The following GAP43 variants were observed in gnomAD, a reference collection of about 807,000 sequenced individuals.
GAP43 encodes the protein neuromodulin.
In GAP43, 6 loss-of-function variants were observed where a neutral mutation model predicts 18.6. The ratio of observed to expected loss-of-function variants is 0.32; its 90% confidence interval spans 0.18 to 0.64. The LOEUF (loss-of-function observed/expected upper bound fraction) is 0.64. Among genes scored for constraint, GAP43 ranks in the 30% least tolerant of loss-of-function variants. The pLI is 0.78. For synonymous variants in GAP43, 115 were observed against 111.4 expected (o/e 1.03, Z -0.20); for missense variants, 292 against 295.5 (o/e 0.99, Z 0.09).
rs79759607 is a variant in GAP43 at position 115,646,893 on chromosome 3, A to G, written c.30+23174A>G. 6.0e-3 allele frequency among the ~76,000 whole-genome samples: 912 copies of G among 152,074 alleles called. 7 individuals carry two copies. Among genetic ancestry groups the G allele is most frequent in the Non-Finnish European group, 8.1e-3 (549 of 67,956 alleles). ...CTTTTCAGGAAACCAAACAACCAAC[A>G]TGTATTTCCTGAACCCCTACAATGA... On this transcript the variant is annotated intron_variant, in intron 1 of 2. Coordinates refer to ENST00000305124, the MANE Select transcript of GAP43 (RefSeq NM_002045.4).
At position 115,690,379 on chromosome 3, in the gene GAP43, T is replaced by C. The variant is rs1456096597; in HGVS notation, c.628+13769T>C. On this transcript the variant is annotated intron_variant, in intron 2 of 2. Coordinates refer to ENST00000305124, the MANE Select transcript of GAP43 (RefSeq NM_002045.4). Reference sequence around the variant, plus strand: ...TCTCACAATTTTAAATGTAGGCCTATTTCCATAAGAAGTTTCAGATTACAA... The same window carrying C: ...TCTCACAATTTTAAATGTAGGCCTACTTCCATAAGAAGTTTCAGATTACAA... Among the ~76,000 whole-genome samples, 3 of 152,112 alleles carry C rather than the reference T, an allele frequency of 2.0e-5. No individual in the cohort carries two copies. In the East Asian group the frequency reaches 5.8e-4, roughly 29 times the overall value.
chr3:115,664,312 A>T (rs945597219), intron 1 of GAP43, among the ~76,000 whole-genome samples: 6 of 152,014 alleles, frequency 3.9e-5, no homozygotes, highest in African/African-American at 1.4e-4. Flanking sequence ...ATATCCCTGA[A>T]ACATCCCTCT....
chr3:115,641,452 T>G (rs62264809), intron 1 of GAP43, among the ~76,000 whole-genome samples: 65,501 of 150,092 alleles, frequency 0.44, 14,607 homozygotes, highest in Middle Eastern at 0.49. Context: ...TATATATATA[T>G]ATAGAGAGAG....
intron 1 of GAP43, among the ~76,000 whole-genome samples, chr3:115,625,242 G>A (rs1708171856): frequency 7.0e-6 from 1 of 142,138 alleles, no homozygotes; most frequent in African/African-American, 2.6e-5. Context: ...CAGACATCCT[G>A]GATTGTGTGG....
chr3:115,633,411 T>A (rs1309483425), intron 1 of GAP43, among the ~76,000 whole-genome samples: 1 of 152,104 alleles, frequency 6.6e-6, no homozygotes, highest in East Asian at 1.9e-4. Flanking sequence ...AGAGGGTAAG[T>A]TGGTTGAGAA....
chr3:115,672,777 T>A (rs1339698729), intron 1 of GAP43, among the ~76,000 whole-genome samples: 3 of 148,674 alleles, frequency 2.0e-5, no homozygotes, highest in Non-Finnish European at 3.0e-5. Flanking sequence ...TCCTTTCCTT[T>A]CCTTTCATTT....
chr3:115,665,804 T>A (rs1321783571), intron 1 of GAP43, among the ~76,000 whole-genome samples: 1 of 152,186 alleles, frequency 6.6e-6, no homozygotes, highest in Non-Finnish European at 1.5e-5. Flanking sequence ...TACCAGATGC[T>A]CTTAAGCTAG....
chr3:115,634,723 T>C (rs372232590), intron 1 of GAP43, among the ~76,000 whole-genome samples: 203 of 152,146 alleles, frequency 1.3e-3, no homozygotes, highest in Middle Eastern at 6.8e-3. Flanking sequence ...TGAGCTCTGA[T>C]CACACCACTG....
chr3:115,634,549 G>A (rs529581478), intron 1 of GAP43, among the ~76,000 whole-genome samples: 16 of 152,164 alleles, frequency 1.1e-4, no homozygotes, highest in Non-Finnish European at 2.4e-4. Flanking sequence ...GCTGAGGCTG[G>A]AAGATTACTC....
intron 1 of GAP43, among the ~76,000 whole-genome samples, chr3:115,627,730 A>C (rs1047643690): frequency 1.3e-5 from 2 of 152,214 alleles, no homozygotes; most frequent in Non-Finnish European, 2.9e-5. Flanking sequence ...TAGTATTAAT[A>C]AAGGCATTAG....
At chr3:115,708,784 G>A (rs1709397024) in intron 2 of GAP43, among the ~76,000 whole-genome samples, 1 of 152,098 alleles carries the variant, frequency 6.6e-6, no homozygotes, top group Non-Finnish European at 1.5e-5. Flanking sequence ...GCAGCTGGGG[G>A]ATGGGAGCAT....
At chr3:115,670,676 C>G (rs1337342066) in intron 1 of GAP43, among the ~76,000 whole-genome samples, 2 of 152,128 alleles carry the variant, frequency 1.3e-5, no homozygotes, top group African/African-American at 4.8e-5. Context: ...GTGACTTTCA[C>G]CTCAATAAAT....
intron 2 of GAP43, among the ~76,000 whole-genome samples, chr3:115,694,459 T>A (rs910836911): frequency 6.6e-6 from 1 of 152,232 alleles, no homozygotes; most frequent in Non-Finnish European, 1.5e-5. Flanking sequence ...CGCCATAGAA[T>A]AATTACAATA....
chr3:115,643,255 A>C (rs1276194462), intron 1 of GAP43, among the ~76,000 whole-genome samples: 3 of 152,072 alleles, frequency 2.0e-5, no homozygotes, highest in Non-Finnish European at 2.9e-5. Context: ...AATTATCCTC[A>C]GTGATGGTGG....
chr3:115,653,172 G>C (rs1708542407), intron 1 of GAP43, among the ~76,000 whole-genome samples: 1 of 152,184 alleles, frequency 6.6e-6, no homozygotes, highest in African/African-American at 2.4e-5. Context: ...AGGTGCGGTG[G>C]CTCATACCTG....
At position 115,635,961 on chromosome 3, in the gene GAP43, T is replaced by C. The variant is rs1056359946; in HGVS notation, c.30+12242T>C. 3.3e-5 allele frequency among the ~76,000 whole-genome samples: 5 copies of C among 152,090 alleles called. No individual in the cohort carries two copies. The South Asian group carries it at 8.3e-4, about 25-fold the overall frequency. ...CTCCTGCATTATCATTCCCGTGTCA[T>C]TGGAAACTGATTGGTTTGTGTACAT... On this transcript the variant is annotated intron_variant, in intron 1 of 2. Coordinates refer to ENST00000305124, the MANE Select transcript of GAP43 (RefSeq NM_002045.4).
chr3:115,672,101 A>G (rs1039258321), intron 1 of GAP43, among the ~76,000 whole-genome samples: 3 of 152,208 alleles, frequency 2.0e-5, no homozygotes, highest in South Asian at 4.1e-4. Flanking sequence ...AGTAAGTCCA[A>G]GCTATTCCAG....
At chr3:115,648,082 T>C (rs1490713024) in intron 1 of GAP43, among the ~76,000 whole-genome samples, 1 of 152,152 alleles carries the variant, frequency 6.6e-6, no homozygotes, top group African/African-American at 2.4e-5. Flanking sequence ...TCCTTTCAAT[T>C]TGGCTAACCA....
At chr3:115,690,288 A>G (rs1210578806) in intron 2 of GAP43, among the ~76,000 whole-genome samples, 1 of 125,470 alleles carries the variant, frequency 8.0e-6, no homozygotes, top group East Asian at 2.6e-4. Flanking sequence ...GCGCTGCCTC[A>G]ACAAACCAAG....
Sources: allele counts gnomAD v4.1 joint callset (sites outside exome capture counted in the v4.1 genomes callset), GRCh38; gene constraint gnomAD v4.1.1; transcripts MANE v1.5; gene names NCBI Gene and HGNC (gene_info 2026-07-23, HGNC 2026-07-21).